Variants in MBOAT2 observed in about 807,000 individuals in gnomAD.
MBOAT2 encodes membrane bound glycerophospholipid O-acyltransferase 2.
Under a neutral mutation model 63.4 loss-of-function variants are expected in MBOAT2, and 28 were observed. The ratio of observed to expected loss-of-function variants is 0.44; its 90% CI spans 0.33 to 0.61. The LOEUF (loss-of-function observed/expected upper bound fraction) is 0.61. MBOAT2 is among the 20% of genes least tolerant of loss of function. MBOAT2 has a pLI of 0.03. For missense variants in MBOAT2, 470 were observed against 605.8 expected (o/e 0.78, Z 2.35); for synonymous variants, 211 against 215.6 (o/e 0.98, Z 0.19).
At chr2:8,915,239 G>A (rs918299838) in intron 3 of MBOAT2, among the ~76,000 whole-genome samples, 4 of 152,052 alleles carry the variant, frequency 2.6e-5, no homozygotes, top group South Asian at 4.2e-4. Flanking sequence ...GTGCCCAGCC[G>A]GAAAGTTTTA....
intron 10 of MBOAT2, among the ~76,000 whole-genome samples, chr2:8,863,212 A>T (rs577408714): frequency 1.3e-5 from 2 of 152,312 alleles, no homozygotes; most frequent in Admixed American, 1.3e-4. Context: ...AATAACAAAA[A>T]ATAACACAAC....
intron 5 of MBOAT2, among the ~76,000 whole-genome samples, chr2:8,886,211 T>C (rs1214877635): frequency 6.6e-6 from 1 of 152,208 alleles, no homozygotes; most frequent in Non-Finnish European, 1.5e-5. Context: ...AATCTGTTGC[T>C]GGGGGAAATA....
At chr2:8,975,062 G>C (rs1209438476) in intron 1 of MBOAT2, among the ~76,000 whole-genome samples, 1 of 152,144 alleles carries the variant, frequency 6.6e-6, no homozygotes, top group Non-Finnish European at 1.5e-5. Context: ...ACTGGGGAAA[G>C]TGCTTTCTAT....
In MBOAT2 at chr2:8,854,741, TAAAA is replaced by T. The variant is rs1423500774; in HGVS notation, c.*3934_*3937del. ...CTTTAAATAGGAGAGATTTTTGTCC[TAAAA>T]CTGTGATCTAGTCCTTGAGTAAAAG... On this transcript the variant is annotated 3_prime_UTR_variant, in exon 13 of 13. Coordinates refer to ENST00000305997, the MANE Select transcript of MBOAT2 (RefSeq NM_138799.4). The T allele has an allele frequency of 6.6e-6, 1 of 152,244 alleles. No homozygotes were observed. The highest frequency in any genetic ancestry group is 1.9e-4 in the East Asian group (1 of 5,202). The allele number at this position is 152,244 out of a possible 1,614,324, so 9.4% of individuals were successfully genotyped here.
intron 1 of MBOAT2, among the ~76,000 whole-genome samples, chr2:8,968,490 A>G (rs1670175600): frequency 6.6e-6 from 1 of 152,248 alleles, no homozygotes; most frequent in South Asian, 2.1e-4. Context: ...TTCCAAAGGA[A>G]TGCAGCTCCT....
intron 1 of MBOAT2, among the ~76,000 whole-genome samples, chr2:8,985,859 G>T (rs1671527975): frequency 6.6e-6 from 1 of 152,162 alleles, no homozygotes; most frequent in Non-Finnish European, 1.5e-5. Flanking sequence ...AACCAGAGTA[G>T]CTAATTCCTC....
chr2:8,920,101 T>C (rs1666469757), intron 3 of MBOAT2, among the ~76,000 whole-genome samples: 1 of 152,196 alleles, frequency 6.6e-6, no homozygotes, highest in African/African-American at 2.4e-5. Context: ...TTGGTTGTCA[T>C]ATCTAAGAAG....
At chr2:8,894,253 G>C (rs1309256095) in intron 4 of MBOAT2, among the ~76,000 whole-genome samples, 2 of 152,200 alleles carry the variant, frequency 1.3e-5, no homozygotes, top group African/African-American at 4.8e-5. Flanking sequence ...CATACATTCA[G>C]GGAGAAAGGC....
rs188986824 is a variant in MBOAT2, at chr2:8,933,866, C to T, written c.299+9321G>A. On this transcript the variant is annotated intron_variant, in intron 3 of 12. Coordinates refer to ENST00000305997, the MANE Select transcript of MBOAT2 (RefSeq NM_138799.4). ...TCCCCCCACTTCATATAAAAGCCCT[C>T]GATCCAAGAAAAAAAAAGTGCTTCC... is the stretch of plus-strand genomic sequence containing the variant. Among the ~76,000 whole-genome samples the T allele has an allele frequency of 1.6e-3, 245 of 151,984 alleles. 2 individuals carry two copies. The highest frequency in any genetic ancestry group is 5.6e-3 in the African/African-American group (232 of 41,434).
At chr2:8,986,096 T>C (rs942578518) in intron 1 of MBOAT2, among the ~76,000 whole-genome samples, 2 of 151,822 alleles carry the variant, frequency 1.3e-5, no homozygotes, top group Non-Finnish European at 2.9e-5. Context: ...CTTTGTGGTC[T>C]TCCTCTCAAA....
intron 3 of MBOAT2, among the ~76,000 whole-genome samples, chr2:8,917,789 A>G (rs970176385): frequency 2.2e-4 from 33 of 152,230 alleles, no homozygotes; most frequent in African/African-American, 8.0e-4. Context: ...AATGTTTCAG[A>G]AGTTTTACTC....
In MBOAT2 at chr2:8,853,482, ATTAACCTAAAATAG is replaced by A. The variant is rs1374476276; in HGVS notation, c.*5183_*5196del. 6.6e-6 allele frequency: 1 copy of A among 152,246 alleles called. No homozygotes were observed. Among genetic ancestry groups the A allele is most frequent in the East Asian group, 1.9e-4 (1 of 5,208 alleles). 9.4% of individuals were successfully genotyped at this position (152,246 alleles called of 1,614,324 possible). A position where few individuals can be genotyped will look rare whatever the true frequency, so the allele number is the denominator to read the frequency against. On this transcript the variant is annotated 3_prime_UTR_variant, in exon 13 of 13. Transcript: ENST00000305997. ...ATATTCAAATTGATTTCCCAAGAAA[ATTAACCTAAAATAG>A]TGAACGTGAAACAGCTAAGACTCTG... is the stretch of plus-strand genomic sequence containing the variant.
intron 3 of MBOAT2, among the ~76,000 whole-genome samples, chr2:8,942,268 A>G (rs917934115): frequency 1.9e-4 from 29 of 152,232 alleles, no homozygotes; most frequent in African/African-American, 6.8e-4. Context: ...AATAAAAGCC[A>G]CAGGTCTGAT....
intron 1 of MBOAT2, among the ~76,000 whole-genome samples, chr2:8,973,957 G>A (rs1224728736): frequency 6.6e-6 from 1 of 152,104 alleles, no homozygotes; most frequent in Non-Finnish European, 1.5e-5. Context: ...GCAGCACAGT[G>A]ATAATATCAA....
Position 8,852,697 on chromosome 2 carries a change from A to C in MBOAT2, c.*5982T>G, listed in dbSNP as rs191736118. 3 of 152,330 alleles carry C rather than the reference A, an allele frequency of 2.0e-5. No homozygotes were observed. The highest frequency in any genetic ancestry group is 7.2e-5 in the African/African-American group (3 of 41,574). The allele number at this position is 152,330 out of a possible 1,614,324, so 9.4% of individuals were successfully genotyped here. ...AGCAAACACACACACGCATATTTTT[A>C]AACTACTGTTTAATCAGTTGTAAAG... On this transcript the variant is annotated 3_prime_UTR_variant, in exon 13 of 13. Transcript: ENST00000305997.
intron 1 of MBOAT2, among the ~76,000 whole-genome samples, chr2:8,974,125 C>T (rs925718700): frequency 1.3e-5 from 2 of 152,134 alleles, no homozygotes; most frequent in African/African-American, 2.4e-5. Flanking sequence ...TTTCTCCTTG[C>T]TAAAAGAACC....
chr2:8,885,641 T>A (rs2148546055), intron 5 of MBOAT2, among the ~76,000 whole-genome samples: 1 of 152,354 alleles, frequency 6.6e-6, no homozygotes, highest in East Asian at 1.9e-4. Flanking sequence ...GCCAGCAGGT[T>A]ATTTTAGTCA....
At chr2:8,944,454 G>T (rs1573123457) in intron 2 of MBOAT2, among the ~76,000 whole-genome samples, 1 of 151,914 alleles carries the variant, frequency 6.6e-6, no homozygotes, top group South Asian at 2.1e-4. Context: ...TACTACTAAG[G>T]GTGTTAACCT....
chr2:8,908,091 A>G (rs1412987952), intron 4 of MBOAT2: 2 of 152,246 alleles, frequency 1.3e-5, no homozygotes, highest in East Asian at 1.9e-4. Flanking sequence ...ATCTGGTACC[A>G]AAGTGTTAGC....
Sources: gnomAD v4.1 joint callset for allele counts (sites outside exome capture counted in the v4.1 genomes callset) on GRCh38, gnomAD v4.1.1 for gene constraint, MANE v1.5 for transcripts, NCBI Gene and HGNC (gene_info 2026-07-23, HGNC 2026-07-21) for gene names.